The following A2M variants were observed in gnomAD, a reference collection of about 807,000 sequenced individuals.
A2M encodes C3 and PZP-like alpha-2-macroglobulin domain-containing protein 5.
In A2M, 128 loss-of-function variants were observed where a neutral mutation model predicts 183.9. The ratio of observed to expected loss-of-function variants is 0.70; its 90% CI spans 0.60 to 0.81. A2M has a LOEUF of 0.81. Among genes scored for constraint, A2M ranks in the 30% least tolerant of loss-of-function variants. The pLI is 0.00. For synonymous variants in A2M, 592 were observed against 670.8 expected (o/e 0.88, Z 1.81); for missense variants, 1,495 against 1,787.6 (o/e 0.84, Z 2.95).
At chr12:9,109,842 C>T (rs1938588313) in intron 6 of A2M, 25 bp downstream of exon 6, 1 of 1,565,262 alleles carries the variant, frequency 6.4e-7, no homozygotes, top group African/African-American at 1.4e-5. Flanking sequence ...AAAAATAATG[C>T]TTGATGACTT....
intron 7 of A2M, among the ~76,000 whole-genome samples, chr12:9,108,156 C>T (rs757546132): frequency 2.2e-4 from 33 of 151,332 alleles, no homozygotes; most frequent in Non-Finnish European, 4.3e-4. Flanking sequence ...GATGGAGTCT[C>T]GCTCTGTCGC....
chr12:9,075,460 G>T (rs1170139165), intron 28 of A2M, among the ~76,000 whole-genome samples: 1 of 152,106 alleles, frequency 6.6e-6, no homozygotes, highest in Non-Finnish European at 1.5e-5. Flanking sequence ...AAAAATCCAT[G>T]AGGAGAAACT....
intron 4 of A2M, chr12:9,111,568 A>G (rs1276748632): frequency 1.3e-5 from 6 of 456,172 alleles, no homozygotes; most frequent in Non-Finnish European, 2.6e-5. Context: ...TGTGGGTATG[A>G]GAGAAAGAGA....
intron 13 of A2M, 101 bp from the exon 14 acceptor site, chr12:9,099,624 G>A: frequency 7.3e-7 from 1 of 1,363,608 alleles, no homozygotes; most frequent in Non-Finnish European, 9.9e-7. Flanking sequence ...ACAAATGGAT[G>A]ATTACCTCTA....
intron 28 of A2M, among the ~76,000 whole-genome samples, chr12:9,075,518 C>T (rs1948721991): frequency 1.3e-5 from 2 of 152,210 alleles, no homozygotes; most frequent in Middle Eastern, 3.4e-3. Context: ...TATTATGCAG[C>T]AGTGAAAATT....
intron 22 of A2M, among the ~76,000 whole-genome samples, chr12:9,087,738 G>T (rs780066027): frequency 2.0e-5 from 3 of 151,900 alleles, no homozygotes; most frequent in Non-Finnish European, 4.4e-5. Context: ...ACATCACTTT[G>T]TATGCTGTAT....
chr12:9,103,639 C>G (rs994180678), intron 11 of A2M, among the ~76,000 whole-genome samples: 1 of 152,192 alleles, frequency 6.6e-6, no homozygotes, highest in Non-Finnish European at 1.5e-5. Flanking sequence ...ACTTTAGAAA[C>G]CCCATGTACG....
Position 9,095,556 on chromosome 12 carries a change from T to C in A2M, c.1996A>G (p.Met666Val), listed in dbSNP as rs755924932. ...TPVSSTNEKD[M>V]YSFLEDMGLK... ...GAGTTTACCTCTAGGAAGCTGTACA[T>C]ATCCTTTTCATTTGTACTTGATACT... Residue 666 changes from methionine to valine, a missense_variant, in exon 16 of 36, where the codon ATG becomes GTG. Met to Val is a conservative substitution (Grantham distance 21). Coordinates refer to ENST00000318602, the MANE Select transcript of A2M (RefSeq NM_000014.6). 6.2e-7 allele frequency: 1 copy of C among 1,612,174 alleles called. No individual in the cohort carries two copies. Among genetic ancestry groups the C allele is most frequent in the Non-Finnish European group, 8.5e-7 (1 of 1,178,540 alleles).
At chr12:9,067,902 T>G (rs1392846542) in intron 35 of A2M, 63 bp from the exon 36 acceptor site, 1 of 1,486,590 alleles carries the variant, frequency 6.7e-7, no homozygotes, top group Middle Eastern at 1.7e-4. Flanking sequence ...GAGAGTATTC[T>G]TTCCCTTAGT....
chr12:9,097,355 C>G (rs1005537686), intron 15 of A2M, among the ~76,000 whole-genome samples: 2 of 151,930 alleles, frequency 1.3e-5, no homozygotes, highest in African/African-American at 4.8e-5. Context: ...GTAGAAAAAG[C>G]TTCAGTAAGA....
chr12:9,071,348 T>A (rs187114187), intron 31 of A2M, among the ~76,000 whole-genome samples: 7 of 152,326 alleles, frequency 4.6e-5, no homozygotes, highest in Admixed American at 2.0e-4. Flanking sequence ...ACACCTAGCG[T>A]CTTGTCCCCG....
chr12:9,083,189 A>G (rs1363464502), intron 22 of A2M, among the ~76,000 whole-genome samples: 4 of 152,254 alleles, frequency 2.6e-5, no homozygotes, highest in African/African-American at 9.6e-5. Context: ...GAATTGAACA[A>G]TGAGAACACT....
At chr12:9,106,167 C>A in intron 10 of A2M, 69 bp downstream of exon 10, 1 of 917,754 alleles carries the variant, frequency 1.1e-6, no homozygotes, top group South Asian at 1.6e-5. Flanking sequence ...GGTTTTAGCA[C>A]AAACCATAAC....
At chr12:9,101,060 A>G (rs1937800087) in intron 13 of A2M, 84 bp downstream of exon 13, 11 of 1,285,622 alleles carry the variant, frequency 8.6e-6, no homozygotes, top group South Asian at 2.8e-5. Context: ...ATGGAAAAAA[A>G]GGGAAAGTAT....
At chr12:9,110,712 AAAC>A (rs1227101561) in intron 4 of A2M, among the ~76,000 whole-genome samples, 7 of 152,116 alleles carry the variant, frequency 4.6e-5, no homozygotes, top group African/African-American at 1.7e-4. Context: ...CAAAAATTAA[AAAC>A]AATAAAAAGT....
chr12:9,090,781 C>T (rs772148537), intron 19 of A2M, among the ~76,000 whole-genome samples: 5 of 152,212 alleles, frequency 3.3e-5, no homozygotes, highest in East Asian at 1.9e-4. Context: ...ACCATTCCCC[C>T]GGATCTCCCG....
intron 19 of A2M, 148 bp downstream of exon 19, chr12:9,091,053 A>T: frequency 2.0e-6 from 2 of 1,025,536 alleles, no homozygotes; most frequent in South Asian, 1.7e-5. Context: ...GCAATTTGGT[A>T]TTTGGAGATC....
At chr12:9,068,424 T>A (rs1256236121) in intron 34 of A2M, among the ~76,000 whole-genome samples, 200 bp from the exon 35 acceptor site, 1 of 152,198 alleles carries the variant, frequency 6.6e-6, no homozygotes, top group Non-Finnish European at 1.5e-5. Flanking sequence ...ATATATTCTT[T>A]TATCCCAAAC....
rs771868697 is a variant in A2M, at chr12:9,086,131, C to CA, written c.2770+3068dup. Among the ~76,000 whole-genome samples, 12 of 152,248 alleles carry CA rather than the reference C, an allele frequency of 7.9e-5. No individual in the cohort carries two copies. In the South Asian group the frequency reaches 2.5e-3, roughly 32 times the overall value. On this transcript the variant is annotated intron_variant, in intron 22 of 35. Coordinates refer to ENST00000318602, the MANE Select transcript of A2M (RefSeq NM_000014.6). Reference sequence around the variant, plus strand: ...AAGCTGGAAGAGGAAGGAATACTTTCAAGCTCATTTTATGAGGCAAGCATT... The same window carrying CA: ...AAGCTGGAAGAGGAAGGAATACTTTCAAAGCTCATTTTATGAGGCAAGCATT...
Sources: allele counts gnomAD v4.1 joint callset (sites outside exome capture counted in the v4.1 genomes callset), GRCh38; gene constraint gnomAD v4.1.1; transcripts MANE v1.5; gene names NCBI Gene and HGNC (gene_info 2026-07-23, HGNC 2026-07-21).